The following SLC30A9 variants were observed in gnomAD, a reference collection of about 807,000 sequenced individuals.
SLC30A9 encodes the protein proton-coupled zinc antiporter SLC30A9, mitochondrial.
A neutral mutation model predicts 87.5 loss-of-function variants in SLC30A9; 58 were observed. The observed-to-expected ratio is 0.66, with a 90% confidence interval of 0.54 to 0.82. The LOEUF (loss-of-function observed/expected upper bound fraction) is 0.82. Ranked by LOEUF, SLC30A9 falls within the 40% of genes least tolerant of loss-of-function variation. The pLI, the probability that SLC30A9 is intolerant of heterozygous loss-of-function variation, is 0.00. For synonymous variants in SLC30A9, 234 were observed against 233.0 expected (o/e 1.00, Z -0.04); for missense variants, 557 against 679.1 (o/e 0.82, Z 2.00).
intron 17 of SLC30A9, among the ~76,000 whole-genome samples, chr4:42,080,935 TA>T (rs756196635): frequency 6.6e-6 from 1 of 152,254 alleles, no homozygotes; most frequent in Admixed American, 6.5e-5. Context: ...GATACATTTC[TA>T]AATATGGGTA....
intron 9 of SLC30A9, among the ~76,000 whole-genome samples, chr4:42,056,861 C>T (rs1257145268): frequency 6.6e-6 from 1 of 152,176 alleles, no homozygotes; most frequent in East Asian, 1.9e-4. Context: ...ACCATGTCTC[C>T]ATTTGGCGAC....
chr4:42,089,584 A>AT lies in SLC30A9; in HGVS notation c.*3462dup, dbSNP rs1346258871. 1.3e-5 allele frequency: 2 copies of AT among 152,150 alleles called. No individual in the cohort carries two copies. Among genetic ancestry groups the AT allele is most frequent in the Non-Finnish European group, 2.9e-5 (2 of 68,100 alleles). The allele number at this position is 152,150 out of a possible 1,614,324, so 9.4% of individuals were successfully genotyped here. Reference sequence around the variant, plus strand: ...AGGCATGCGCCACCACACCCGGCTAATTTTGTATTTCTGGTTTAGACAAGG... The same window carrying AT: ...AGGCATGCGCCACCACACCCGGCTAATTTTTGTATTTCTGGTTTAGACAAGG... On this transcript the variant is annotated 3_prime_UTR_variant, in exon 18 of 18. Transcript: ENST00000264451.
At chr4:42,002,989 T>C (rs1355599389) in intron 2 of SLC30A9, among the ~76,000 whole-genome samples, 1 of 152,144 alleles carries the variant, frequency 6.6e-6, no homozygotes, top group Non-Finnish European at 1.5e-5. Context: ...TTCCTTCCTT[T>C]CTGAAGTAGA....
At chr4:42,058,148 C>A (rs557053136) in intron 9 of SLC30A9, among the ~76,000 whole-genome samples, 12 of 150,578 alleles carry the variant, frequency 8.0e-5, no homozygotes, top group Non-Finnish European at 1.8e-4. Context: ...GCACCCAAAT[C>A]ACCTCTTGAA....
chr4:42,045,852 C>T (rs1405105931), intron 8 of SLC30A9, among the ~76,000 whole-genome samples: 1 of 152,194 alleles, frequency 6.6e-6, no homozygotes, highest in Non-Finnish European at 1.5e-5. Context: ...AATCCAGCAG[C>T]ATGTCAAAAA....
At chr4:42,049,324 G>T in intron 8 of SLC30A9, 53 bp from the exon 9 acceptor site, 1 of 1,106,564 alleles carries the variant, frequency 9.0e-7, no homozygotes, top group Non-Finnish European at 1.4e-6. Flanking sequence ...GTATGCTTTT[G>T]GCTTAAATTT....
At chr4:42,081,031 G>A (rs564943833) in intron 17 of SLC30A9, among the ~76,000 whole-genome samples, 3 of 152,236 alleles carry the variant, frequency 2.0e-5, no homozygotes, top group Non-Finnish European at 4.4e-5. Context: ...AACAAATACT[G>A]TTGTTTTCCT....
At chr4:42,044,614 G>A (rs1717067647) in intron 8 of SLC30A9, among the ~76,000 whole-genome samples, 1 of 152,130 alleles carries the variant, frequency 6.6e-6, no homozygotes, top group Non-Finnish European at 1.5e-5. Flanking sequence ...CACAGGAATA[G>A]TGGGACACTT....
chr4:41,993,255 A>G (rs1714535384), intron 1 of SLC30A9, among the ~76,000 whole-genome samples: 1 of 151,766 alleles, frequency 6.6e-6, no homozygotes, highest in Non-Finnish European at 1.5e-5. Flanking sequence ...CAATATCAAA[A>G]TTATTGAAGT....
At chr4:42,076,187 A>G (rs1402810196) in intron 16 of SLC30A9, among the ~76,000 whole-genome samples, 2 of 152,188 alleles carry the variant, frequency 1.3e-5, no homozygotes, top group Non-Finnish European at 2.9e-5. Flanking sequence ...TTTTTTTATT[A>G]AGAATAGTTT....
chr4:42,065,567 A>G (rs2153140137), intron 12 of SLC30A9, among the ~76,000 whole-genome samples: 1 of 152,280 alleles, frequency 6.6e-6, no homozygotes, highest in South Asian at 2.1e-4. Context: ...GCGCCCTGCC[A>G]TGGGATGGCA....
At chr4:42,000,159 G>A (rs924433814) in intron 1 of SLC30A9, among the ~76,000 whole-genome samples, 5 of 152,046 alleles carry the variant, frequency 3.3e-5, no homozygotes, top group Non-Finnish European at 7.4e-5. Context: ...TTCCAAGGAA[G>A]GACTTTTAAA....
intron 9 of SLC30A9, among the ~76,000 whole-genome samples, chr4:42,051,311 A>T (rs551559071): frequency 6.6e-6 from 1 of 152,330 alleles, no homozygotes; most frequent in South Asian, 2.1e-4. Flanking sequence ...AAAGCCTCAC[A>T]TTCTTTAATA....
At chr4:42,079,998 T>G (rs566716738) in intron 17 of SLC30A9, among the ~76,000 whole-genome samples, 92 of 152,314 alleles carry the variant, frequency 6.0e-4, no homozygotes, top group African/African-American at 2.1e-3. Context: ...TGCAAAAGTC[T>G]CTTATGCCTG....
intron 14 of SLC30A9, among the ~76,000 whole-genome samples, chr4:42,067,900 G>C (rs1347235976): frequency 6.6e-6 from 1 of 152,204 alleles, no homozygotes; most frequent in East Asian, 1.9e-4. Flanking sequence ...ATAGGCTCAA[G>C]TAGATGATAA....
At chr4:42,053,177 C>T (rs1342109382) in intron 9 of SLC30A9, among the ~76,000 whole-genome samples, 1 of 152,138 alleles carries the variant, frequency 6.6e-6, no homozygotes, top group African/African-American at 2.4e-5. Flanking sequence ...TCTGCATATC[C>T]ACTATAATGG....
intron 8 of SLC30A9, among the ~76,000 whole-genome samples, chr4:42,042,332 C>T (rs1439926225): frequency 1.3e-5 from 2 of 152,170 alleles, no homozygotes. Context: ...GCTGCCAGCA[C>T]AGCTGTCTGA....
At chr4:42,066,860 TATA>T (rs1485890146) in intron 13 of SLC30A9, among the ~76,000 whole-genome samples, 2 of 152,218 alleles carry the variant, frequency 1.3e-5, no homozygotes, top group African/African-American at 2.4e-5. Context: ...TATATGGTTA[TATA>T]ACTTGAGAAA....
At chr4:42,049,348 T>C (rs1204639388) in intron 8 of SLC30A9, 29 bp from the exon 9 acceptor site, 1 of 1,469,414 alleles carries the variant, frequency 6.8e-7, no homozygotes, top group Non-Finnish European at 9.5e-7. Context: ...TCCAAACCTA[T>C]GCTAAATTGT....
Sources: gnomAD v4.1 joint callset for allele counts (sites outside exome capture counted in the v4.1 genomes callset) on GRCh38, gnomAD v4.1.1 for gene constraint, MANE v1.5 for transcripts, NCBI Gene and HGNC (gene_info 2026-07-23, HGNC 2026-07-21) for gene names.